Variants in EMCN observed in about 807,000 individuals in gnomAD.
EMCN encodes the protein MUC-14.
EMCN carries 37 observed loss-of-function variants against 38.4 expected under a neutral mutation model. That is an observed-to-expected ratio of 0.96 (90% confidence interval 0.74 to 1.27). The LOEUF (loss-of-function observed/expected upper bound fraction) is 1.27. Among genes scored for constraint, EMCN ranks in the 50% most tolerant of loss-of-function variants. The pLI is 0.00. For missense variants in EMCN, 318 were observed against 302.8 expected (o/e 1.05, Z -0.37); for synonymous variants, 95 against 100.8 (o/e 0.94, Z 0.35).
At chr4:100,433,286 G>A (rs1036205003) in intron 5 of EMCN, among the ~76,000 whole-genome samples, 2 of 152,102 alleles carry the variant, frequency 1.3e-5, no homozygotes, top group African/African-American at 4.8e-5. Context: ...TTTGGCAAAT[G>A]GCAAGTCTCA....
At chr4:100,410,024 A>G (rs915998831) in intron 11 of EMCN, among the ~76,000 whole-genome samples, 16 of 152,224 alleles carry the variant, frequency 1.1e-4, no homozygotes, top group African/African-American at 3.6e-4. Context: ...GGAAACATTA[A>G]CAACAGGCAG....
At chr4:100,484,058 A>T (rs543826754) in intron 1 of EMCN, among the ~76,000 whole-genome samples, 1 of 152,246 alleles carries the variant, frequency 6.6e-6, no homozygotes, top group African/African-American at 2.4e-5. Flanking sequence ...AGACTTAGAG[A>T]GCTCAAGGGA....
chr4:100,480,383 G>A (rs1363093952), intron 1 of EMCN, among the ~76,000 whole-genome samples: 1 of 151,830 alleles, frequency 6.6e-6, no homozygotes, highest in Non-Finnish European at 1.5e-5. Context: ...CACTCTCTGG[G>A]CAGTAGATGT....
In EMCN at chr4:100,471,259, A is replaced by G. The variant is rs1728469143; in HGVS notation, c.259+3779T>C. 1.3e-5 allele frequency among the ~76,000 whole-genome samples: 2 copies of G among 151,952 alleles called. 1 individual carries two copies. Among genetic ancestry groups the G allele is most frequent in the Admixed American group, 1.3e-4 (2 of 15,254 alleles). On this transcript the variant is annotated intron_variant, in intron 3 of 11. Coordinates refer to ENST00000296420, the MANE Select transcript of EMCN (RefSeq NM_016242.4). ...TTATCAAAATTATGAATGAAAGAGG[A>G]TTCATTATTACCAACCTTACAGAAA...
intron 4 of EMCN, among the ~76,000 whole-genome samples, chr4:100,450,109 CAT>C (rs1463540768): frequency 6.6e-6 from 1 of 151,862 alleles, no homozygotes; most frequent in South Asian, 2.1e-4. Flanking sequence ...TTTCATGAAA[CAT>C]GTGTTTTTGG....
intron 4 of EMCN, among the ~76,000 whole-genome samples, chr4:100,450,478 G>GA (rs1348099693): frequency 6.6e-6 from 1 of 151,826 alleles, no homozygotes; most frequent in Non-Finnish European, 1.5e-5. Flanking sequence ...CTTACACCTA[G>GA]AACATGATAA....
At chr4:100,488,372 G>T (rs185192582) in intron 1 of EMCN, among the ~76,000 whole-genome samples, 4 of 152,286 alleles carry the variant, frequency 2.6e-5, no homozygotes, top group African/African-American at 9.6e-5. Flanking sequence ...AGGGGACAAA[G>T]ATAACTACAT....
chr4:100,445,324 A>G (rs1224472698), intron 5 of EMCN, among the ~76,000 whole-genome samples: 1 of 152,212 alleles, frequency 6.6e-6, no homozygotes, highest in Non-Finnish European at 1.5e-5. Flanking sequence ...TACATTTTAT[A>G]TAGAATCCTT....
At chr4:100,415,548 G>T (rs894677922) in intron 10 of EMCN, among the ~76,000 whole-genome samples, 1 of 151,866 alleles carries the variant, frequency 6.6e-6, no homozygotes, top group South Asian at 2.1e-4. Context: ...GACCATATGC[G>T]ACTACATAGC....
chr4:100,514,682 T>C (rs1166250521), intron 1 of EMCN, among the ~76,000 whole-genome samples: 1 of 152,070 alleles, frequency 6.6e-6, no homozygotes, highest in African/African-American at 2.4e-5. Flanking sequence ...AATTGTGACC[T>C]CTTTATGTTT....
intron 4 of EMCN, among the ~76,000 whole-genome samples, chr4:100,452,997 C>T (rs1727891352): frequency 6.6e-6 from 1 of 152,116 alleles, no homozygotes; most frequent in Non-Finnish European, 1.5e-5. Flanking sequence ...GAAACTGGAT[C>T]CCTTCCTTAC....
Position 100,398,093 on chromosome 4 carries a change from C to G in EMCN, c.*320G>C, listed in dbSNP as rs1252824411. 3.3e-5 allele frequency: 5 copies of G among 151,912 alleles called. No homozygotes were observed. Among genetic ancestry groups the G allele is most frequent in the Non-Finnish European group, 5.9e-5 (4 of 67,982 alleles). The allele number at this position is 151,912 out of a possible 1,614,324, so 9.4% of individuals were successfully genotyped here. A position where few individuals can be genotyped will look rare whatever the true frequency, so the allele number is the denominator to read the frequency against. On this transcript the variant is annotated 3_prime_UTR_variant, in exon 12 of 12. Transcript: ENST00000296420. ...AAGGAAAGTCATGCCTATCAGCGAGCCCACCTCCTGGGCTGTCAGATTCAC... is the reference window on the plus strand; with the variant it reads ...AAGGAAAGTCATGCCTATCAGCGAGGCCACCTCCTGGGCTGTCAGATTCAC...
At chr4:100,424,596 G>C (rs561259868) in intron 5 of EMCN, among the ~76,000 whole-genome samples, 1 of 152,210 alleles carries the variant, frequency 6.6e-6, no homozygotes, top group East Asian at 1.9e-4. Context: ...ATAACGTTCA[G>C]AGTCTGTACC....
intron 5 of EMCN, among the ~76,000 whole-genome samples, chr4:100,434,534 C>T (rs1578191936): frequency 6.6e-6 from 1 of 152,160 alleles, no homozygotes; most frequent in Non-Finnish European, 1.5e-5. Context: ...ATGAGGCCAG[C>T]ATCATCCTGA....
intron 11 of EMCN, among the ~76,000 whole-genome samples, chr4:100,403,922 T>C (rs1249730374): frequency 6.6e-6 from 1 of 152,100 alleles, no homozygotes; most frequent in Non-Finnish European, 1.5e-5. Flanking sequence ...AATGGGGTTG[T>C]TTTTTACTCT....
intron 1 of EMCN, among the ~76,000 whole-genome samples, chr4:100,511,268 G>T (rs1729618026): frequency 6.6e-6 from 1 of 152,054 alleles, no homozygotes; most frequent in Admixed American, 6.6e-5. Flanking sequence ...CAGTAAGATG[G>T]GATAAAGCTG....
rs935251712 is a variant in EMCN, at chr4:100,437,133, G to C, written c.415+10400C>G. Among the ~76,000 whole-genome samples, 19 of 152,166 alleles carry C rather than the reference G, an allele frequency of 1.2e-4. 1 individual carries two copies. On this transcript the variant is annotated intron_variant, in intron 5 of 11. Transcript: ENST00000296420. Reference sequence around the variant, plus strand: ...ATAATATACACCCTAATGGGTGTGAGGTAGTATCACATAGTAGTTTTGATT... The same window carrying C: ...ATAATATACACCCTAATGGGTGTGACGTAGTATCACATAGTAGTTTTGATT...
intron 5 of EMCN, among the ~76,000 whole-genome samples, chr4:100,424,428 A>C (rs1178481890): frequency 1.3e-5 from 2 of 152,068 alleles, no homozygotes; most frequent in African/African-American, 4.8e-5. Context: ...ACTAAGAGGC[A>C]CTTCTTATGA....
chr4:100,426,731 T>G (rs971716324), intron 5 of EMCN, among the ~76,000 whole-genome samples: 3 of 152,162 alleles, frequency 2.0e-5, no homozygotes, highest in Non-Finnish European at 4.4e-5. Context: ...TCTGTTTGTT[T>G]AAACCTTTTA....
Sources: gnomAD v4.1 joint callset for allele counts (sites outside exome capture counted in the v4.1 genomes callset) on GRCh38, gnomAD v4.1.1 for gene constraint, MANE v1.5 for transcripts, NCBI Gene and HGNC (gene_info 2026-07-23, HGNC 2026-07-21) for gene names.